Variants in DNAH7 observed in about 807,000 individuals in gnomAD.
DNAH7 encodes the protein axonemal beta dynein heavy chain 7.
In DNAH7, 397 loss-of-function variants were observed where a neutral mutation model predicts 444.6. The ratio of observed to expected loss-of-function variants is 0.89; its 90% CI spans 0.82 to 0.97. The LOEUF (loss-of-function observed/expected upper bound fraction) is 0.97, where lower values mean the gene tolerates loss of function less well. Among genes scored for constraint, DNAH7 ranks in the 50% least tolerant of loss-of-function variants. The probability of loss-of-function intolerance (pLI) is 0.00; values close to 1 mark genes in which losing one functional copy is unlikely to be tolerated. For missense variants in DNAH7, 4,902 were observed against 4,800.8 expected, an observed-to-expected ratio of 1.02 and a Z score of -0.62; for synonymous variants, 1,636 against 1,624.4, an observed-to-expected ratio of 1.01 and a Z score of -0.17.
At chr2:195,784,635 T>C (rs1237372275) in intron 58 of DNAH7, among the ~76,000 whole-genome samples, 1 of 152,218 alleles carries the variant, frequency 6.6e-6, no homozygotes, top group Non-Finnish European at 1.5e-5. Flanking sequence ...TGCTGGATCA[T>C]ATGGTAAAAG....
intron 46 of DNAH7, among the ~76,000 whole-genome samples, chr2:195,847,859 A>G (rs2125020751): frequency 6.6e-6 from 1 of 152,216 alleles, no homozygotes; most frequent in South Asian, 2.1e-4. Context: ...CAGTGCCAAT[A>G]AGGATCAGGG....
At chr2:195,747,305 G>T (rs1388486614) in intron 63 of DNAH7, among the ~76,000 whole-genome samples, 1 of 152,168 alleles carries the variant, frequency 6.6e-6, no homozygotes, top group Non-Finnish European at 1.5e-5. Flanking sequence ...CCAGGAAGAA[G>T]TTGAATCTCT....
chr2:195,795,503 C>T (rs759616190), intron 56 of DNAH7, among the ~76,000 whole-genome samples: 14 of 152,248 alleles, frequency 9.2e-5, no homozygotes, highest in Non-Finnish European at 1.5e-4. Context: ...ACTATGATGA[C>T]GTATACTCTT....
In DNAH7 at chr2:195,857,531, C is replaced by G. The variant is rs1433868361; in HGVS notation, c.8260G>C (p.Glu2754Gln). The change falls in exon 44 of 65, where the codon GAA (glutamate) becomes CAA (glutamine). Residue 2754 changes from glutamate to glutamine, a missense_variant. Transcript: ENST00000312428. ...GDMRFLQSLH[E>Q]YDKDNIPPAY... Reference sequence around the variant, plus strand: ...GGAGGAATATTGTCCTTGTCATATTCATGAAGTGACTGCAGAAACCTCATG... The same window carrying G: ...GGAGGAATATTGTCCTTGTCATATTGATGAAGTGACTGCAGAAACCTCATG... 1 of 1,613,778 alleles carries G rather than the reference C, an allele frequency of 6.2e-7. No individual in the cohort carries two copies. Among genetic ancestry groups the G allele is most frequent in the Non-Finnish European group, 8.5e-7 (1 of 1,179,920 alleles).
At chr2:195,757,866 A>C (rs999122013) in intron 61 of DNAH7, among the ~76,000 whole-genome samples, 5 of 152,202 alleles carry the variant, frequency 3.3e-5, no homozygotes, top group African/African-American at 1.2e-4. Flanking sequence ...TGGTTTAAAA[A>C]ACAGATCTTC....
At chr2:195,827,069 A>G (rs917740149) in intron 48 of DNAH7, among the ~76,000 whole-genome samples, 1 of 152,208 alleles carries the variant, frequency 6.6e-6, no homozygotes, top group African/African-American at 2.4e-5. Flanking sequence ...GGCCATATAT[A>G]ACCACAACAG....
rs145080918 is a variant in DNAH7 at position 196,024,926 on chromosome 2, C to T, written c.668-422G>A. Among the ~76,000 whole-genome samples, 570 of 149,844 alleles carry T rather than the reference C, an allele frequency of 3.8e-3. 2 individuals carry two copies. Among genetic ancestry groups the T allele is most frequent in the Middle Eastern group, 0.024 (7 of 288 alleles). On this transcript the variant is annotated intron_variant, in intron 7 of 64. Transcript: ENST00000312428. ...GTTCTGCATCCATGGATTCAACCAA[C>T]GATGAATCAAAAATATTCAGAAAAA...
chr2:195,745,508 C>A (rs1693342426), intron 63 of DNAH7, among the ~76,000 whole-genome samples: 1 of 152,090 alleles, frequency 6.6e-6, no homozygotes. Flanking sequence ...CAGAGAACGC[C>A]ACAAAGATAC....
rs778984853 is a variant in DNAH7, at chr2:196,001,649, A to T, written c.1173+26T>A. The stretch of plus-strand genomic sequence containing the variant: ...TAAAAATAAATAAATTTGTAAATAC[A>T]TATTGGTGAACTGAACCATACTTAC... On this transcript the variant is annotated intron_variant, in intron 11 of 64. Transcript: ENST00000312428. 2.0e-6 allele frequency: 3 copies of T among 1,472,972 alleles called. No individual in the cohort carries two copies. The South Asian group carries it at 4.5e-5, about 22-fold the overall frequency. 91.2% of individuals were successfully genotyped at this position (1,472,972 alleles called of 1,614,324 possible).
chr2:195,786,095 T>C (rs1377648693), intron 58 of DNAH7, among the ~76,000 whole-genome samples: 1 of 152,208 alleles, frequency 6.6e-6, no homozygotes, highest in Non-Finnish European at 1.5e-5. Context: ...AAAAGATTCT[T>C]CACATAAGTT....
intron 17 of DNAH7, among the ~76,000 whole-genome samples, chr2:195,964,740 G>A (rs1299139453): frequency 1.3e-5 from 2 of 151,518 alleles, no homozygotes; most frequent in African/African-American, 4.8e-5. Flanking sequence ...GCCAGGCATG[G>A]TGGCACGCGC....
chr2:195,891,878 C>G (rs1702034105), intron 30 of DNAH7, 74 bp from the exon 31 acceptor site: 5 of 1,213,614 alleles, frequency 4.1e-6, no homozygotes, highest in Non-Finnish European at 5.5e-6. Flanking sequence ...ATTGCACATA[C>G]AGAAAATCCT....
intron 45 of DNAH7, among the ~76,000 whole-genome samples, chr2:195,854,511 A>C (rs1414883499): frequency 6.6e-6 from 1 of 152,166 alleles, no homozygotes; most frequent in African/African-American, 2.4e-5. Flanking sequence ...TATTTGTGAT[A>C]CTTCCTAAAT....
intron 57 of DNAH7, among the ~76,000 whole-genome samples, chr2:195,787,627 A>G (rs565581452): frequency 3.9e-5 from 6 of 152,164 alleles, no homozygotes; most frequent in African/African-American, 1.4e-4. Flanking sequence ...TTGTGAAGAG[A>G]TTTCCTGGGA....
chr2:196,027,530 T>C (rs1273044676), intron 6 of DNAH7, among the ~76,000 whole-genome samples: 2 of 152,194 alleles, frequency 1.3e-5, no homozygotes, highest in South Asian at 4.1e-4. Context: ...AATTTAAATG[T>C]CAAAATGCTT....
intron 21 of DNAH7, among the ~76,000 whole-genome samples, chr2:195,932,628 AGTGTT>A (rs1423506105): frequency 1.3e-5 from 2 of 152,030 alleles, no homozygotes; most frequent in Non-Finnish European, 2.9e-5. Context: ...TTTAGAATGA[AGTGTT>A]GTTGAATTTT....
chr2:195,773,806 T>G (rs1694947736), intron 60 of DNAH7, among the ~76,000 whole-genome samples: 2 of 152,368 alleles, frequency 1.3e-5, no homozygotes. Flanking sequence ...ATTTTTCTAT[T>G]CTAAATAGTG....
chr2:195,870,499 T>A (rs1361755744), intron 40 of DNAH7, among the ~76,000 whole-genome samples: 3 of 152,232 alleles, frequency 2.0e-5, no homozygotes, highest in Non-Finnish European at 4.4e-5. Flanking sequence ...TGAGTTAGAT[T>A]CACCCATGAC....
chr2:196,065,357 A>C (rs749159306), intron 1 of DNAH7, among the ~76,000 whole-genome samples: 1 of 152,228 alleles, frequency 6.6e-6, no homozygotes. Flanking sequence ...AGGTATAAAT[A>C]TTTTAAATGA....
Sources: gnomAD v4.1 joint callset for allele counts (sites outside exome capture counted in the v4.1 genomes callset) on GRCh38, gnomAD v4.1.1 for gene constraint, MANE v1.5 for transcripts, NCBI Gene and HGNC (gene_info 2026-07-23, HGNC 2026-07-21) for gene names.